NAV3: variants seen among roughly 807,000 people sequenced by gnomAD.
The protein encoded by NAV3 is neuron navigator 3, also known as pore membrane and/or filament interacting like protein 1.
NAV3 carries 87 observed loss-of-function variants against 244.7 expected under a neutral mutation model. The ratio of observed to expected loss-of-function variants is 0.36; its 90% CI spans 0.30 to 0.42. The LOEUF is 0.42. Ranked by LOEUF, NAV3 falls within the 20% of genes least tolerant of loss-of-function variation. NAV3 has a pLI of 1.00. For missense variants in NAV3, 2,663 were observed against 2,893.3 expected (o/e 0.92, Z 1.83); for synonymous variants, 1,126 against 1,042.2 (o/e 1.08, Z -1.55).
intron 1 of NAV3, among the ~76,000 whole-genome samples, chr12:77,902,917 C>A (rs1016971155): frequency 6.6e-6 from 1 of 152,082 alleles, no homozygotes. Context: ...AATAAAATAC[C>A]TAGGAATCCA....
intron 9 of NAV3, among the ~76,000 whole-genome samples, chr12:78,047,706 A>G (rs1366610783): frequency 6.6e-6 from 1 of 151,898 alleles, no homozygotes; most frequent in Non-Finnish European, 1.5e-5. Flanking sequence ...CTTCTCAAAG[A>G]GTATCTTTGT....
intron 2 of NAV3, among the ~76,000 whole-genome samples, chr12:77,724,270 A>G (rs960594198): frequency 6.6e-6 from 1 of 151,968 alleles, no homozygotes; most frequent in African/African-American, 2.4e-5. Flanking sequence ...TCAGTTGATT[A>G]TGCTTTTTCT....
At chr12:77,981,388 A>C (rs1397813857) in intron 5 of NAV3, among the ~76,000 whole-genome samples, 1 of 152,164 alleles carries the variant, frequency 6.6e-6, no homozygotes, top group Non-Finnish European at 1.5e-5. Context: ...ATACTAAAGA[A>C]AGAATTTGGT....
At chr12:78,188,372 C>A in intron 32 of NAV3, 29 bp downstream of exon 32, 1 of 1,520,706 alleles carries the variant, frequency 6.6e-7, no homozygotes, top group Non-Finnish European at 9.0e-7. Flanking sequence ...CCTAATAGTA[C>A]TTTTCAAATA....
At chr12:78,001,904 C>T (rs2136486855) in intron 7 of NAV3, among the ~76,000 whole-genome samples, 1 of 152,296 alleles carries the variant, frequency 6.6e-6, no homozygotes, top group East Asian at 1.9e-4. Flanking sequence ...GATGACCTGC[C>T]ATTCAGAAAC....
intron 1 of NAV3, among the ~76,000 whole-genome samples, chr12:77,875,954 G>T (rs1167663741): frequency 6.6e-6 from 1 of 151,904 alleles, no homozygotes; most frequent in African/African-American, 2.4e-5. Context: ...TTGTGGCTCA[G>T]GTCCTCAGCC....
At chr12:78,117,434 A>G (rs528802778) in intron 13 of NAV3, among the ~76,000 whole-genome samples, 76 of 144,624 alleles carry the variant, frequency 5.3e-4, no homozygotes, top group Non-Finnish European at 1.0e-3. Context: ...GAATTACTAT[A>G]TTTGTATAGA....
chr12:77,830,664 T>G (rs1873515471), upstream of NAV3, among the ~76,000 whole-genome samples: 1 of 152,248 alleles, frequency 6.6e-6, no homozygotes, highest in Non-Finnish European at 1.5e-5. Context: ...TTGCATGATT[T>G]TAGCCTGATT....
At chr12:78,110,444 T>C (rs1411448322) in intron 12 of NAV3, among the ~76,000 whole-genome samples, 1 of 152,042 alleles carries the variant, frequency 6.6e-6, no homozygotes, top group Admixed American at 6.6e-5. Context: ...CTAAAATTAG[T>C]ATGGAATGAG....
intron 17 of NAV3, among the ~76,000 whole-genome samples, chr12:78,128,143 T>G (rs559840280): frequency 1.5e-3 from 234 of 152,224 alleles, no homozygotes; most frequent in African/African-American, 5.3e-3. Flanking sequence ...AGCTGGCAAT[T>G]ATTCCATGTT....
At chr12:77,911,385 T>C (rs575473849) in intron 1 of NAV3, among the ~76,000 whole-genome samples, 77 of 152,236 alleles carry the variant, frequency 5.1e-4, no homozygotes, top group Non-Finnish European at 8.5e-4. Context: ...ATAATGCACT[T>C]GATCCACCAT....
At chr12:77,666,218 T>C (rs1873711842) in intron 2 of NAV3, among the ~76,000 whole-genome samples, 1 of 146,896 alleles carries the variant, frequency 6.8e-6, no homozygotes, top group Non-Finnish European at 1.5e-5. Context: ...GGGGTCTCTC[T>C]ACTGAGTCTT....
intron 2 of NAV3, among the ~76,000 whole-genome samples, chr12:77,725,459 C>T (rs1319216780): frequency 6.7e-6 from 1 of 148,956 alleles, no homozygotes; most frequent in Non-Finnish European, 1.5e-5. Context: ...ATTTAACATG[C>T]CTTTGCAAGT....
chr12:78,143,793 A>G (rs1956738717), intron 20 of NAV3, among the ~76,000 whole-genome samples: 1 of 152,188 alleles, frequency 6.6e-6, no homozygotes, highest in Non-Finnish European at 1.5e-5. Flanking sequence ...TAGCAATACT[A>G]AGATGAAATT....
intron 2 of NAV3, among the ~76,000 whole-genome samples, chr12:77,807,716 G>A (rs1309448268): frequency 5.9e-5 from 9 of 152,142 alleles, no homozygotes. Flanking sequence ...GAATTTGAAT[G>A]TTGGCCTGTC....
intron 10 of NAV3, 61 bp from the exon 11 acceptor site, chr12:78,050,703 C>G (rs2137241249): frequency 6.7e-7 from 1 of 1,502,742 alleles, no homozygotes; most frequent in Non-Finnish European, 9.0e-7. Flanking sequence ...TGTCTTCATG[C>G]ATTCTAGATT....
rs771509004 is a variant in NAV3, at chr12:77,960,800, T to C, written c.415-5429T>C. Among the ~76,000 whole-genome samples, 81 of 146,996 alleles carry C rather than the reference T, an allele frequency of 5.5e-4. 1 individual carries two copies. The highest frequency in any genetic ancestry group is 9.7e-4 in the Non-Finnish European group (65 of 66,888). On this transcript the variant is annotated intron_variant, in intron 3 of 39. Transcript: ENST00000397909. ...ATGCAGTATATAAATATACAATACA[T>C]ATATGTAATAAAAATGCATACATGT...
intron 12 of NAV3, among the ~76,000 whole-genome samples, chr12:78,095,254 T>G (rs1954190526): frequency 6.6e-6 from 1 of 152,080 alleles, no homozygotes; most frequent in Non-Finnish European, 1.5e-5. Context: ...TTACAATTTA[T>G]GTAGGCACCA....
chr12:77,911,930 CTA>C (rs1308359686), intron 1 of NAV3, among the ~76,000 whole-genome samples: 1 of 151,988 alleles, frequency 6.6e-6, no homozygotes, highest in East Asian at 1.9e-4. Context: ...TCAAACAGTT[CTA>C]TGTTTAAATC....
Sources: allele counts gnomAD v4.1 joint callset (sites outside exome capture counted in the v4.1 genomes callset), GRCh38; gene constraint gnomAD v4.1.1; transcripts MANE v1.5; gene names NCBI Gene and HGNC (gene_info 2026-07-23, HGNC 2026-07-21).